IFT74: variants seen among roughly 807,000 people sequenced by gnomAD.
IFT74 encodes intraflagellar transport 74.
Under a neutral mutation model 96.7 loss-of-function variants are expected in IFT74, and 92 were observed. That is an observed-to-expected ratio of 0.95 (90% confidence interval 0.80 to 1.13). The LOEUF (loss-of-function observed/expected upper bound fraction) is 1.13, where lower values mean the gene tolerates loss of function less well. IFT74 is among the 50% of genes most tolerant of loss of function. The pLI is 0.00. For missense variants in IFT74, 811 were observed against 698.2 expected (o/e 1.16, Z -1.82); for synonymous variants, 223 against 213.2 (o/e 1.05, Z -0.40).
intron 13 of IFT74, among the ~76,000 whole-genome samples, chr9:27,034,657 T>C (rs1049515486): frequency 6.6e-6 from 1 of 152,206 alleles, no homozygotes; most frequent in African/African-American, 2.4e-5. Context: ...GCCTCCCAAG[T>C]AGCTGGGATT....
chr9:27,061,412 A>C (rs1820416719), intron 19 of IFT74, among the ~76,000 whole-genome samples: 1 of 152,142 alleles, frequency 6.6e-6, no homozygotes, highest in African/African-American at 2.4e-5. Flanking sequence ...GGTAAAGTTA[A>C]ACATTATCAG....
chr9:26,997,643 T>C (rs573058349), intron 8 of IFT74: 1 of 1,429,032 alleles, frequency 7.0e-7, no homozygotes, highest in East Asian at 2.3e-5. Context: ...TGCTTCCTTT[T>C]CTTTAAAACG....
At position 26,947,147 on chromosome 9, in the gene IFT74, G is replaced by A. The variant is rs1185897441; in HGVS notation, c.-20+1G>A. On this transcript the variant is annotated splice_donor_variant, in intron 1 of 19. Transcript: ENST00000433700. LOFTEE classifies it low-confidence loss of function (5UTR_SPLICE). ...GCCGCGGCGGGAGAAGAGCCTGCAG[G>A]TAAGGGGCGGCCGGAGACCGGAAGA... 2 of 1,330,346 alleles carry A rather than the reference G, an allele frequency of 1.5e-6. No homozygotes were observed. The highest frequency in any genetic ancestry group is 3.4e-5 in the Admixed American group (1 of 29,834). The allele number at this position is 1,330,346 out of a possible 1,614,324, so 82.4% of individuals were successfully genotyped here.
At chr9:26,966,618 A>G (rs986634013) in intron 2 of IFT74, among the ~76,000 whole-genome samples, 1 of 151,884 alleles carries the variant, frequency 6.6e-6, no homozygotes, top group Non-Finnish European at 1.5e-5. Flanking sequence ...TTCTCCTATT[A>G]TGTTGGTTGT....
chr9:26,988,029 C>T (rs556232260), intron 6 of IFT74, among the ~76,000 whole-genome samples: 131 of 151,936 alleles, frequency 8.6e-4, no homozygotes, highest in African/African-American at 3.1e-3. Context: ...CTCGGCTCAC[C>T]GCAACCTCTG....
In IFT74 at chr9:26,978,245, A is replaced by G. The variant is rs1470492827; in HGVS notation, c.238A>G (p.Met80Val). The G allele has an allele frequency of 1.2e-6, 2 of 1,613,072 alleles. No individual in the cohort carries two copies. The highest frequency in any genetic ancestry group is 1.3e-5 in the African/African-American group (1 of 74,894). The change falls in exon 3 of 20, where the codon ATG becomes GTG. Residue 80 changes from methionine to valine, a missense_variant. By Grantham distance (21) the Met-to-Val change is conservative (BLOSUM62 1). Transcript: ENST00000380062. ...TGTAACACAACAAGGTTTGACTGGA[A>G]TGAAAACTGGGACGAAAGGTACCTA... is the stretch of plus-strand genomic sequence containing the variant. The part of the protein sequence containing the change: ...RPVTQQGLTG[M>V]KTGTKGPQRQ...
At chr9:26,997,753 C>T in intron 8 of IFT74, 1 of 1,609,610 alleles carries the variant, frequency 6.2e-7, no homozygotes, top group South Asian at 1.1e-5. Flanking sequence ...ATGTGTTCAA[C>T]CAGTTCTGCA....
chr9:26,981,024 G>A (rs974089297), intron 4 of IFT74, among the ~76,000 whole-genome samples: 3 of 152,160 alleles, frequency 2.0e-5, no homozygotes, highest in Non-Finnish European at 2.9e-5. Flanking sequence ...CTCACAGATA[G>A]TGCCGTCAAG....
rs1243756364 is a variant in IFT74 at position 26,975,696 on chromosome 9, C to T, written c.121-2432C>T. Among the ~76,000 whole-genome samples, 6 of 152,148 alleles carry T rather than the reference C, an allele frequency of 3.9e-5. No individual in the cohort carries two copies. The South Asian group carries it at 1.2e-3, about 32-fold the overall frequency. Reference sequence around the variant, plus strand: ...ACCTCTCCTACTAGAGATTTCTCGCCCTCCGTCCTTTCAGAAGCTCACTGA... The same window carrying T: ...ACCTCTCCTACTAGAGATTTCTCGCTCTCCGTCCTTTCAGAAGCTCACTGA... On this transcript the variant is annotated intron_variant, in intron 2 of 19. Transcript: ENST00000380062.
intron 8 of IFT74, among the ~76,000 whole-genome samples, chr9:27,005,054 C>G (rs936053832): frequency 1.8e-4 from 28 of 151,938 alleles, no homozygotes; most frequent in African/African-American, 6.8e-4. Flanking sequence ...GATATTTATG[C>G]CAGAATTCAA....
chr9:27,047,322 A>G lies in IFT74; in HGVS notation c.1157A>G (p.Lys386Arg), dbSNP rs2131684364. ...EETKNQELKR[K>R]AQIEANIVAL... ...ACAAAGAATCAGGAACTGAAACGAA[A>G]GGCACAGATAGAAGCCAACATTGTT... is the stretch of plus-strand genomic sequence containing the variant. Residue 386 changes from lysine (K) to arginine (R), a missense_variant, in exon 15 of 20, where the codon AAG (lysine) becomes AGG (arginine). Lys to Arg is a conservative substitution (Grantham distance 26). Coordinates refer to ENST00000380062, the MANE Select transcript of IFT74 (RefSeq NM_025103.4). The G allele has an allele frequency of 3.1e-6, 5 of 1,613,586 alleles. No individual in the cohort carries two copies. Among genetic ancestry groups the G allele is most frequent in the Non-Finnish European group, 4.2e-6 (5 of 1,179,584 alleles).
Position 27,064,788 on chromosome 9 carries a change from T to C in IFT74, c.*2052T>C, listed in dbSNP as rs1820558772. Among the ~76,000 whole-genome samples the C allele has an allele frequency of 6.7e-6, 1 of 149,558 alleles. No individual in the cohort carries two copies. Among genetic ancestry groups the C allele is most frequent in the African/African-American group, 2.4e-5 (1 of 41,174 alleles). ...TACTTAAGTGTTCTTGACATTTTAC[T>C]GCACCCTTTTAAATAACCAACTTAG... On this transcript the variant is annotated 3_prime_UTR_variant, in exon 20 of 20. Transcript: ENST00000380062.
chr9:26,996,592 G>A lies in IFT74; in HGVS notation c.587+6397G>A. 4.3e-6 allele frequency: 4 copies of A among 924,572 alleles called. No homozygotes were observed. The South Asian group carries it at 1.7e-4, about 39-fold the overall frequency. The allele number at this position is 924,572 out of a possible 1,614,324, so 57.3% of individuals were successfully genotyped here. On this transcript the variant is annotated intron_variant, in intron 8 of 19. Transcript: ENST00000380062. Reference sequence around the variant, plus strand: ...TTTATCTAGAATTTTTGACATATTTGTCATTCTTAAAGGCATTATAAGAAA... The same window carrying A: ...TTTATCTAGAATTTTTGACATATTTATCATTCTTAAAGGCATTATAAGAAA...
intron 12 of IFT74, among the ~76,000 whole-genome samples, chr9:27,021,531 G>A (rs1303711639): frequency 6.6e-6 from 1 of 152,148 alleles, no homozygotes; most frequent in East Asian, 1.9e-4. Flanking sequence ...CATTCTTGCA[G>A]GAGTAAGGTG....
chr9:27,060,679 C>A lies in IFT74; in HGVS notation c.1684+28C>A, dbSNP rs1257793892. 4 of 1,556,986 alleles carry A rather than the reference C, an allele frequency of 2.6e-6. No individual in the cohort carries two copies. The African/African-American group carries it at 5.5e-5, about 21-fold the overall frequency. On this transcript the variant is annotated intron_variant, in intron 19 of 19. Coordinates refer to ENST00000380062, the MANE Select transcript of IFT74 (RefSeq NM_025103.4). ...ATCCTTTAAAAAGCTGAAAATGGGG[C>A]CGGGTGCGGTGGCTCATGCCTATAG...
At chr9:27,057,795 T>C (rs1051133027) in intron 18 of IFT74, among the ~76,000 whole-genome samples, 1 of 152,038 alleles carries the variant, frequency 6.6e-6, no homozygotes, top group East Asian at 1.9e-4. Context: ...GAGGCGGAGC[T>C]TGCAGTAAGC....
intron 10 of IFT74, among the ~76,000 whole-genome samples, chr9:27,015,624 G>A (rs1024186973): frequency 2.6e-5 from 4 of 151,918 alleles, no homozygotes; most frequent in South Asian, 2.1e-4. Flanking sequence ...GTGAAAGAGC[G>A]AAATTCCATC....
chr9:27,048,635 TTGAG>T (rs1273023735), intron 16 of IFT74, among the ~76,000 whole-genome samples: 2 of 152,106 alleles, frequency 1.3e-5, no homozygotes, highest in African/African-American at 4.8e-5. Flanking sequence ...ACAGAGGTGA[TTGAG>T]TGTTTTAAAG....
At chr9:27,002,859 A>T (rs1828573947) in intron 8 of IFT74, among the ~76,000 whole-genome samples, 1 of 151,968 alleles carries the variant, frequency 6.6e-6, no homozygotes, top group Non-Finnish European at 1.5e-5. Context: ...AATTGCATTG[A>T]ATCAGTAAAT....
Sources: gnomAD v4.1 joint callset for allele counts (sites outside exome capture counted in the v4.1 genomes callset) on GRCh38, gnomAD v4.1.1 for gene constraint, MANE v1.5 for transcripts, NCBI Gene and HGNC (gene_info 2026-07-23, HGNC 2026-07-21) for gene names.